Variants in DOCK8 observed in about 807,000 individuals in gnomAD.
The protein encoded by DOCK8 is dedicator of cytokinesis protein 8.
DOCK8 carries 141 observed loss-of-function variants against 245.6 expected under a neutral mutation model. The observed-to-expected ratio is 0.57, with a 90% CI of 0.50 to 0.66. DOCK8 has a LOEUF of 0.66. DOCK8 is among the 30% of genes least tolerant of loss of function. DOCK8 has a pLI of 0.00. For synonymous variants in DOCK8, 1,168 were observed against 970.2 expected (o/e 1.20, Z -3.79); for missense variants, 2,965 against 2,603.4 (o/e 1.14, Z -3.02).
chr9:397,056 AAACGCAG>A, intron 25 of DOCK8, 122 bp downstream of exon 25: 8 of 1,177,282 alleles, frequency 6.8e-6, no homozygotes, highest in Non-Finnish European at 9.8e-6. Context: ...AATGACAGTT[AAACGCAG>A]TATGTTATAC....
upstream of DOCK8, among the ~76,000 whole-genome samples, chr9:212,216 T>C (rs2046630247): frequency 6.6e-6 from 1 of 152,174 alleles, no homozygotes; most frequent in African/African-American, 2.4e-5. Context: ...TATTTAGTTG[T>C]TTGTTCAATA....
intron 1 of DOCK8, among the ~76,000 whole-genome samples, chr9:264,789 C>G (rs2047998833): frequency 6.6e-6 from 1 of 152,144 alleles, no homozygotes; most frequent in African/African-American, 2.4e-5. Context: ...TTTATGTGGT[C>G]AACTCCAGGA....
In DOCK8 at chr9:379,756, C is replaced by G. The variant is rs1290285606; in HGVS notation, c.2441-15C>G. On this transcript the variant is annotated splice_polypyrimidine_tract_variant and intron_variant, in intron 20 of 47. Transcript: ENST00000432829. ...ACCAGCTGTGGGACTACCCATTTTT[C>G]TCTTGGTTCCTCAGCCAACTTCTCC... 1.9e-6 allele frequency: 3 copies of G among 1,614,162 alleles called. No individual in the cohort carries two copies. The highest frequency in any genetic ancestry group is 3.3e-5 in the Admixed American group (2 of 60,028).
At chr9:444,335 A>AAATAATAATAAT (rs139606153) in intron 43 of DOCK8, among the ~76,000 whole-genome samples, 65,271 of 143,326 alleles carry the variant, frequency 0.46, 17,074 homozygotes, top group Non-Finnish European at 0.59. Flanking sequence ...AAAACAAAGC[A>AAATAATAATAAT]AATAATAATA....
rs1032136769 is a variant in DOCK8, at chr9:335,356, A to G, written c.1285+972A>G. Among the ~76,000 whole-genome samples, 4 of 152,302 alleles carry G rather than the reference A, an allele frequency of 2.6e-5. No homozygotes were observed. In the South Asian group the frequency reaches 6.2e-4, roughly 24 times the overall value. Reference sequence around the variant, plus strand: ...TTTCTCTTTCCCTAAATGCTTTTGTATCCACCAAATATAGAAGTCCATGTT... The same window carrying G: ...TTTCTCTTTCCCTAAATGCTTTTGTGTCCACCAAATATAGAAGTCCATGTT... On this transcript the variant is annotated intron_variant, in intron 11 of 47. Transcript: ENST00000432829.
intron 18 of DOCK8, among the ~76,000 whole-genome samples, chr9:374,451 G>GTT (rs1563980130): frequency 1.6e-4 from 13 of 83,598 alleles, no homozygotes; most frequent in Admixed American, 3.0e-4. Flanking sequence ...TGGTCCTTTT[G>GTT]TGTTTTTTTT....
chr9:266,971 G>A (rs562302927), intron 1 of DOCK8, among the ~76,000 whole-genome samples: 2 of 152,270 alleles, frequency 1.3e-5, no homozygotes, highest in African/African-American at 4.8e-5. Context: ...GCATGGAAAC[G>A]GAACCTGTGC....
chr9:450,316 G>C (rs2057387864), intron 45 of DOCK8, among the ~76,000 whole-genome samples: 1 of 152,194 alleles, frequency 6.6e-6, no homozygotes, highest in Non-Finnish European at 1.5e-5. Flanking sequence ...GCCTATAGGA[G>C]AGAAGGAAAA....
intron 5 of DOCK8, 46 bp downstream of exon 5, chr9:304,750 T>G: frequency 6.2e-7 from 1 of 1,613,134 alleles, no homozygotes; most frequent in Non-Finnish European, 8.5e-7. Flanking sequence ...TGGGCTCTTC[T>G]GCCCAGGGCA....
intron 28 of DOCK8, among the ~76,000 whole-genome samples, chr9:407,774 C>T (rs1421098616): frequency 1.3e-5 from 2 of 152,154 alleles, no homozygotes; most frequent in East Asian, 1.9e-4. Flanking sequence ...TTATTGAATG[C>T]CTTCCATGGG....
intron 10 of DOCK8, among the ~76,000 whole-genome samples, chr9:333,362 G>A (rs1165315635): frequency 2.0e-5 from 3 of 152,240 alleles, no homozygotes; most frequent in Non-Finnish European, 2.9e-5. Context: ...AGCACTTTGG[G>A]AGGCCAAGGC....
chr9:455,452 A>G (rs1029972041), intron 46 of DOCK8, among the ~76,000 whole-genome samples: 1 of 152,140 alleles, frequency 6.6e-6, no homozygotes, highest in Non-Finnish European at 1.5e-5. Flanking sequence ...CAAGGCTGCA[A>G]TGAGCCATGA....
At chr9:360,819 G>C (rs1022351330) in intron 14 of DOCK8, among the ~76,000 whole-genome samples, 1 of 152,074 alleles carries the variant, frequency 6.6e-6, no homozygotes, top group African/African-American at 2.4e-5. Flanking sequence ...GTAAGCAAAT[G>C]GATTTTAGTC....
At chr9:400,784 T>A (rs111216808) in intron 26 of DOCK8, among the ~76,000 whole-genome samples, 39 of 26,004 alleles carry the variant, frequency 1.5e-3, no homozygotes, top group Non-Finnish European at 2.0e-3. Context: ...CACCACCACC[T>A]CCACCATCAC....
rs759147446 is a variant in DOCK8 at position 215,097 on chromosome 9, G to C, written c.53+68G>C. The C allele has an allele frequency of 9.9e-6, 15 of 1,514,288 alleles. 1 individual carries two copies. The African/African-American group carries it at 1.9e-4, about 19-fold the overall frequency. The allele number at this position is 1,514,288 out of a possible 1,614,324, so 93.8% of individuals were successfully genotyped here. On this transcript the variant is annotated intron_variant, in intron 1 of 47. Transcript: ENST00000432829. ...CAGCGCTGGTGTGAAGCGGAGCTTC[G>C]CTGCAGGGGCCGAGGCCGGACGAGT...
At chr9:328,760 C>G (rs1448884186) in intron 9 of DOCK8, among the ~76,000 whole-genome samples, 1 of 151,208 alleles carries the variant, frequency 6.6e-6, no homozygotes, top group Non-Finnish European at 1.5e-5. Context: ...CACAGACTGT[C>G]TCTAATGAGA....
chr9:218,938 A>T (rs953369071), intron 1 of DOCK8, among the ~76,000 whole-genome samples: 3 of 152,194 alleles, frequency 2.0e-5, no homozygotes, highest in African/African-American at 7.2e-5. Context: ...TTACAGATGG[A>T]GAAACTGAGT....
At chr9:385,329 G>A (rs1322159515) in intron 22 of DOCK8, among the ~76,000 whole-genome samples, 3 of 150,696 alleles carry the variant, frequency 2.0e-5, no homozygotes, top group African/African-American at 7.3e-5. Context: ...TTTGACAAAT[G>A]TACCTTACTA....
intron 1 of DOCK8, among the ~76,000 whole-genome samples, chr9:219,192 G>A (rs967558385): frequency 2.0e-5 from 3 of 152,326 alleles, no homozygotes; most frequent in Middle Eastern, 3.4e-3. Context: ...AAACAGAGCT[G>A]GGTGCACTGG....
Sources: allele counts gnomAD v4.1 joint callset (sites outside exome capture counted in the v4.1 genomes callset), GRCh38; gene constraint gnomAD v4.1.1; transcripts MANE v1.5; gene names NCBI Gene and HGNC (gene_info 2026-07-23, HGNC 2026-07-21).